ZFHX3: variants seen among roughly 807,000 people sequenced by gnomAD.
ZFHX3 encodes zinc finger homeobox 3.
In ZFHX3, 42 loss-of-function variants were observed where a neutral mutation model predicts 279.1. The ratio of observed to expected loss-of-function variants is 0.15; its 90% CI spans 0.12 to 0.19. The LOEUF is 0.19. Ranked by LOEUF, ZFHX3 falls within the 10% of genes least tolerant of loss-of-function variation. The pLI is 1.00. For synonymous variants in ZFHX3, 2,293 were observed against 1,957.8 expected (o/e 1.17, Z -4.52); for missense variants, 4,981 against 4,754.0 (o/e 1.05, Z -1.40).
chr16:73,529,603 T>G (rs2550316), intron 2 of ZFHX3, among the ~76,000 whole-genome samples: 113,929 of 152,134 alleles, frequency 0.75, 44,015 homozygotes, highest in African/African-American at 0.93. Context: ...CCAGTGCCCC[T>G]TGTCCAGGGG....
chr16:72,882,668 A>C (rs1412641962), intron 4 of ZFHX3, among the ~76,000 whole-genome samples: 1 of 152,176 alleles, frequency 6.6e-6, no homozygotes, highest in Non-Finnish European at 1.5e-5. Flanking sequence ...GACAGCAGTG[A>C]AACAGCACTG....
At position 72,788,745 on chromosome 16, in the gene ZFHX3, C is replaced by A. The variant is rs138129897; in HGVS notation, c.9531G>T (p.Ser3177=). The part of the protein sequence containing the change: ...SGLPNKPSSA[S]LSSPTPAQAT... ...CTTGTGCTGGGGTTGGGGAGCTCAG[C>A]GACGCTGAGGACGGTTTATTTGGTA... The change falls in exon 10 of 10, where the codon TCG becomes TCT. Residue 3177 remains serine (S), a synonymous_variant. Coordinates refer to ENST00000268489, the MANE Select transcript of ZFHX3 (RefSeq NM_006885.4). The A allele has an allele frequency of 8.9e-5, 141 of 1,589,940 alleles. No individual in the cohort carries two copies. In the African/African-American group the frequency reaches 1.8e-3, roughly 20 times the overall value.
At chr16:73,640,950 G>A (rs2052567794) in intron 2 of ZFHX3, among the ~76,000 whole-genome samples, 1 of 152,172 alleles carries the variant, frequency 6.6e-6, no homozygotes, top group African/African-American at 2.4e-5. Context: ...TTTCCAGAAG[G>A]AGAAAAGCAG....
chr16:73,707,397 G>C (rs2053314812), intron 1 of ZFHX3, among the ~76,000 whole-genome samples: 1 of 152,038 alleles, frequency 6.6e-6, no homozygotes, highest in Admixed American at 6.5e-5. Flanking sequence ...GCAAGTTGTG[G>C]ATGGAGACCT....
intron 3 of ZFHX3, among the ~76,000 whole-genome samples, chr16:72,923,423 C>T (rs1001012724): frequency 1.4e-5 from 2 of 142,020 alleles, no homozygotes; most frequent in African/African-American, 2.6e-5. Context: ...CCAGCCTGGG[C>T]GACAGAGTGA....
At chr16:72,906,138 G>A (rs1311808884) in intron 3 of ZFHX3, among the ~76,000 whole-genome samples, 8 of 151,848 alleles carry the variant, frequency 5.3e-5, no homozygotes, top group Admixed American at 3.9e-4. Flanking sequence ...CAAGCAATTC[G>A]ATCCAAAGAT....
chr16:73,526,053 G>T (rs1400163939), intron 2 of ZFHX3, among the ~76,000 whole-genome samples: 1 of 152,190 alleles, frequency 6.6e-6, no homozygotes, highest in East Asian at 1.9e-4. Context: ...ACATAAAGAT[G>T]AGGACGTGCA....
intron 5 of ZFHX3, among the ~76,000 whole-genome samples, chr16:73,222,453 AC>A (rs983346532): frequency 5.9e-5 from 9 of 152,140 alleles, no homozygotes; most frequent in Non-Finnish European, 1.3e-4. Context: ...GAAATTAAAA[AC>A]AGAATAATAT....
At chr16:73,777,374 G>A (rs547068556) in intron 1 of ZFHX3, among the ~76,000 whole-genome samples, 16 of 151,898 alleles carry the variant, frequency 1.1e-4, no homozygotes, top group African/African-American at 1.9e-4. Flanking sequence ...GTGGTGGCGC[G>A]TGCCTGTAGT....
intron 1 of ZFHX3, among the ~76,000 whole-genome samples, chr16:73,841,340 G>A (rs182768200): frequency 6.6e-6 from 1 of 152,248 alleles, no homozygotes; most frequent in Admixed American, 6.5e-5. Context: ...GCTGGGGGTG[G>A]GTGGGAGCTG....
intron 1 of ZFHX3, among the ~76,000 whole-genome samples, chr16:73,766,708 C>T (rs1342678422): frequency 6.6e-6 from 1 of 152,122 alleles, no homozygotes; most frequent in Non-Finnish European, 1.5e-5. Context: ...CTGTTTAAAG[C>T]ACCTATCACT....
chr16:73,704,637 G>T (rs1328433482), intron 1 of ZFHX3, among the ~76,000 whole-genome samples: 1 of 152,180 alleles, frequency 6.6e-6, no homozygotes, highest in Non-Finnish European at 1.5e-5. Context: ...AATTTTGGTT[G>T]TTCCAGAAGC....
At chr16:73,177,364 C>T (rs572695768) in intron 5 of ZFHX3, among the ~76,000 whole-genome samples, 27 of 152,188 alleles carry the variant, frequency 1.8e-4, no homozygotes, top group African/African-American at 4.6e-4. Flanking sequence ...TGAAAACTTG[C>T]GGAACAAAAG....
At chr16:73,706,542 G>T (rs951225140) in intron 1 of ZFHX3, among the ~76,000 whole-genome samples, 3 of 151,710 alleles carry the variant, frequency 2.0e-5, no homozygotes, top group African/African-American at 4.8e-5. Flanking sequence ...CATCACAGGG[G>T]CTACTGCGGA....
chr16:73,404,787 TG>T (rs1193643521), intron 3 of ZFHX3, among the ~76,000 whole-genome samples: 1 of 152,188 alleles, frequency 6.6e-6, no homozygotes, highest in African/African-American at 2.4e-5. Flanking sequence ...CTTAGCAGCT[TG>T]TTTTGCTACC....
At chr16:73,541,991 G>A (rs1471730309) in intron 2 of ZFHX3, among the ~76,000 whole-genome samples, 1 of 151,414 alleles carries the variant, frequency 6.6e-6, no homozygotes, top group Non-Finnish European at 1.5e-5. Context: ...TAGTAGAGAC[G>A]GGGTTTCACC....
At chr16:73,274,172 C>A (rs2014231522) in intron 4 of ZFHX3, among the ~76,000 whole-genome samples, 1 of 152,080 alleles carries the variant, frequency 6.6e-6, no homozygotes, top group African/African-American at 2.4e-5. Context: ...TAGTTATTAC[C>A]AAATTGCCTT....
At chr16:73,118,211 G>C (rs1169460694) in intron 7 of ZFHX3, among the ~76,000 whole-genome samples, 1 of 151,878 alleles carries the variant, frequency 6.6e-6, no homozygotes, top group South Asian at 2.1e-4. Flanking sequence ...TTTGTTCTTA[G>C]TTTTTTTTGT....
chr16:73,754,744 G>A (rs756601245), intron 1 of ZFHX3, among the ~76,000 whole-genome samples: 9 of 151,880 alleles, frequency 5.9e-5, no homozygotes, highest in Admixed American at 2.0e-4. Flanking sequence ...GGGAAGACAC[G>A]AACTTTACAT....
Sources: allele counts gnomAD v4.1 joint callset (sites outside exome capture counted in the v4.1 genomes callset), GRCh38; gene constraint gnomAD v4.1.1; transcripts MANE v1.5; gene names NCBI Gene and HGNC (gene_info 2026-07-23, HGNC 2026-07-21).